Variants in RRN3 observed in about 807,000 individuals in gnomAD.
RRN3 encodes RNA polymerase I-specific transcription initiation factor RRN3.
In RRN3, 38 loss-of-function variants were observed where a neutral mutation model predicts 82.3. That is an observed-to-expected ratio of 0.46 (90% CI 0.36 to 0.61). The LOEUF (loss-of-function observed/expected upper bound fraction) is 0.61. RRN3 is among the 20% of genes least tolerant of loss of function. The pLI, the probability that RRN3 is intolerant of heterozygous loss-of-function variation, is 0.00. For missense variants in RRN3, 726 were observed against 793.1 expected, an observed-to-expected ratio of 0.92 and a Z score of 1.02; for synonymous variants, 284 against 284.3, an observed-to-expected ratio of 1.00 and a Z score of 0.01.
chr16:15,067,240 G>A (rs554038979), intron 15 of RRN3, among the ~76,000 whole-genome samples: 4 of 151,578 alleles, frequency 2.6e-5, no homozygotes, highest in Non-Finnish European at 4.4e-5. Flanking sequence ...GCTATGATCC[G>A]GCCTAAATAT....
In RRN3 at chr16:15,094,187, G is replaced by A; in HGVS notation, c.47C>T (p.Ala16Val). The change falls in exon 1 of 18, where the codon GCT becomes GTT. Residue 16 changes from alanine (A) to valine (V), a missense_variant. By Grantham distance (64) the Ala-to-Val change is moderately conservative. This residue lies in a region of RRN3 where 135 missense variants were observed against 87.4 expected (regional missense o/e 1.55). Coordinates refer to ENST00000198767, the MANE Select transcript of RRN3 (RefSeq NM_018427.5). ...CAGCTTCTTAACTGCAGAGGACGAA[G>A]CGGCCGCATCTCCCGGCAAACGCGT... is the stretch of plus-strand genomic sequence containing the variant. ...LHTRLPGDAA[A>V]SSSAVKKLGA... 6.2e-7 allele frequency: 1 copy of A among 1,601,626 alleles called. No homozygotes were observed. The highest frequency in any genetic ancestry group is 1.7e-5 in the Admixed American group (1 of 58,124).
chr16:15,076,709 T>C (rs2045471817), intron 9 of RRN3, 59 bp from the exon 10 acceptor site: 1 of 1,250,668 alleles, frequency 8.0e-7, no homozygotes, highest in South Asian at 1.2e-5. Flanking sequence ...ACTATGTTAT[T>C]TTGGGATGGA....
chr16:15,068,096 C>T (rs967121960), intron 15 of RRN3, 73 bp downstream of exon 15: 3 of 1,501,828 alleles, frequency 2.0e-6, no homozygotes, highest in African/African-American at 2.8e-5. Context: ...AAATTTAACA[C>T]TCTTACAATA....
In RRN3 at chr16:15,074,726, C is replaced by T. The variant is rs1386680214; in HGVS notation, c.994G>A (p.Asp332Asn). The change falls in exon 11 of 18, where the codon GAT (aspartate) becomes AAT (asparagine). Residue 332 changes from aspartate to asparagine, a missense_variant. Asp to Asn is a conservative substitution (Grantham distance 23). Around this residue, in one of 4 missense-constraint regions of RRN3, gnomAD observed 344 missense variants for 394.5 expected, o/e 0.87. Coordinates refer to ENST00000198767, the MANE Select transcript of RRN3 (RefSeq NM_018427.5). ...AACAGTAGCTACTGTGATTTACCAT[C>T]TACATAGCAGACATCCTTCATGTAG... ...LSYMKDVCYV[D>N]GKVDNGKTKD... 6.2e-7 allele frequency: 1 copy of T among 1,612,240 alleles called. No homozygotes were observed.
In RRN3 at chr16:15,061,761, G is replaced by A. The variant is rs781303820; in HGVS notation, c.1939C>T (p.Gln647Ter). 3.3e-5 allele frequency: 54 copies of A among 1,613,324 alleles called. No individual in the cohort carries two copies. In the South Asian group the frequency reaches 5.6e-4, roughly 17 times the overall value. Residue 647 changes from glutamine (Q) to a stop codon, truncating the protein, a stop_gained, in exon 18 of 18, where the codon CAA (glutamine) becomes TAA (stop). Coordinates refer to ENST00000198767, the MANE Select transcript of RRN3 (RefSeq NM_018427.5). LOFTEE classifies it high-confidence loss of function. ...TTCTGCCGTCAGAGGGGACTGGGTT[G>A]CATGTACAACACGGGTGGGGAGCCC... is the stretch of plus-strand genomic sequence containing the variant. Reference protein sequence around the residue: ...SVGSPPVLYMQPSPL With the variant: ...SVGSPPVLYM
chr16:15,079,564 G>C (rs1291727003), intron 9 of RRN3, among the ~76,000 whole-genome samples: 1 of 151,830 alleles, frequency 6.6e-6, no homozygotes, highest in Admixed American at 6.6e-5. Context: ...TTCAAAGAAA[G>C]GAAGCAAAGA....
chr16:15,080,114 A>C lies in RRN3; in HGVS notation c.667-18T>G, dbSNP rs758306620. On this transcript the variant is annotated intron_variant, in intron 8 of 17. Transcript: ENST00000198767. ...TAACATTCCTAAAGGAGAAAATGTA[A>C]GATAAAACATTTCAACAGAGAATAA... 8.8e-6 allele frequency: 14 copies of C among 1,587,776 alleles called. No homozygotes were observed. Among genetic ancestry groups the C allele is most frequent in the Non-Finnish European group, 1.2e-5 (14 of 1,168,354 alleles).
chr16:15,072,886 T>G, intron 12 of RRN3, 64 bp downstream of exon 12: 8 of 1,570,450 alleles, frequency 5.1e-6, no homozygotes, highest in Non-Finnish European at 7.0e-6. Flanking sequence ...ACCCCAGTTT[T>G]TAGGGAAAAT....
chr16:15,084,568 A>G lies in RRN3; in HGVS notation c.596+74T>C, dbSNP rs2045839261. The G allele has an allele frequency of 8.2e-6, 9 of 1,102,102 alleles. No homozygotes were observed. In the East Asian group the frequency reaches 2.1e-4, roughly 26 times the overall value. The allele number at this position is 1,102,102 out of a possible 1,614,324, so 68.3% of individuals were successfully genotyped here. A position where few individuals can be genotyped will look rare whatever the true frequency, so the allele number is the denominator to read the frequency against. On this transcript the variant is annotated intron_variant, in intron 7 of 17. Transcript: ENST00000198767. The stretch of plus-strand genomic sequence containing the variant: ...AGACTCAAGCTTTAATACTATTAAC[A>G]TTTTATAATTTTTACTAATTGATTA...
At chr16:15,087,852 T>C (rs761291741) in intron 3 of RRN3, among the ~76,000 whole-genome samples, 32 of 152,298 alleles carry the variant, frequency 2.1e-4, no homozygotes, top group Non-Finnish European at 3.8e-4. Flanking sequence ...TGGTAGCTCA[T>C]GTCTGTAATC....
intron 14 of RRN3, among the ~76,000 whole-genome samples, chr16:15,069,334 T>C (rs1236882168): frequency 2.0e-5 from 3 of 152,158 alleles, no homozygotes; most frequent in African/African-American, 7.2e-5. Context: ...ATGGCAATCG[T>C]GCAGGGTTCA....
intron 1 of RRN3, among the ~76,000 whole-genome samples, chr16:15,093,084 A>C (rs2046201870): frequency 6.6e-6 from 1 of 151,782 alleles, no homozygotes; most frequent in African/African-American, 2.4e-5. Context: ...GCTTAACTGC[A>C]ACCTCCATCT....
chr16:15,076,182 C>A (rs149178620), intron 10 of RRN3, among the ~76,000 whole-genome samples: 32 of 152,150 alleles, frequency 2.1e-4, no homozygotes, highest in Non-Finnish European at 3.7e-4. Context: ...TTCCACTGAA[C>A]CCAACTTCAG....
chr16:15,074,752 G>C lies in RRN3; in HGVS notation c.968C>G (p.Ser323Cys), dbSNP rs774451697. ...TACATAGCAGACATCCTTCATGTAG[G>C]ACAAAACCAAAGACATCAGGATGTC... ...RLDILMSLVL[S>C]YMKDVCYVDG... Residue 323 changes from serine to cysteine, a missense_variant, in exon 11 of 18, where the codon TCC becomes TGC. Physicochemically the swap from Ser to Cys is moderately radical, Grantham distance 112. Transcript: ENST00000198767. 1 of 1,613,838 alleles carries C rather than the reference G, an allele frequency of 6.2e-7. No homozygotes were observed. Among genetic ancestry groups the C allele is most frequent in the South Asian group, 1.1e-5 (1 of 91,054 alleles).
intron 9 of RRN3, among the ~76,000 whole-genome samples, chr16:15,079,129 T>C (rs1309753952): frequency 1.3e-5 from 2 of 151,702 alleles, no homozygotes; most frequent in African/African-American, 4.8e-5. Context: ...TATTTCTAAC[T>C]ACCATTAATG....
chr16:15,092,629 T>C lies in RRN3; in HGVS notation c.90-15A>G. 15 of 1,447,132 alleles carry C rather than the reference T, an allele frequency of 1.0e-5. No homozygotes were observed. The highest frequency in any genetic ancestry group is 1.4e-5 in the Non-Finnish European group (14 of 1,029,124). The allele number at this position is 1,447,132 out of a possible 1,614,324, so 89.6% of individuals were successfully genotyped here. ...TATTTGAAATCCTGTGGAACCAAGATTAACAAGCTATTAAGTTCATGAAAA... is the reference window on the plus strand; with the variant it reads ...TATTTGAAATCCTGTGGAACCAAGACTAACAAGCTATTAAGTTCATGAAAA... On this transcript the variant is annotated splice_polypyrimidine_tract_variant and intron_variant, in intron 1 of 17. Coordinates refer to ENST00000198767, the MANE Select transcript of RRN3 (RefSeq NM_018427.5).
chr16:15,072,394 T>G (rs1322969114), intron 12 of RRN3, among the ~76,000 whole-genome samples: 2 of 152,122 alleles, frequency 1.3e-5, no homozygotes, highest in Non-Finnish European at 2.9e-5. Context: ...GAGATTTTAA[T>G]AGAGAAAGGC....
chr16:15,079,924 T>C, intron 9 of RRN3, 74 bp downstream of exon 9: 2 of 1,424,176 alleles, frequency 1.4e-6, no homozygotes, highest in Non-Finnish European at 1.9e-6. Context: ...TCACTGACTA[T>C]TGTTTCCACA....
intron 3 of RRN3, among the ~76,000 whole-genome samples, chr16:15,087,971 G>A (rs1209086079): frequency 2.0e-5 from 3 of 152,056 alleles, no homozygotes; most frequent in Non-Finnish European, 4.4e-5. Flanking sequence ...AAAATTAGCT[G>A]GGCGTGGTGG....
Sources: allele counts gnomAD v4.1 joint callset (sites outside exome capture counted in the v4.1 genomes callset), GRCh38; gene constraint gnomAD v4.1.1; regional missense constraint gnomAD v4.1.1; transcripts MANE v1.5; gene names NCBI Gene and HGNC (gene_info 2026-07-23, HGNC 2026-07-21).